The following DYNC1H1 variants were observed in gnomAD, a reference collection of about 807,000 sequenced individuals.
The protein encoded by DYNC1H1 is dynein cytoplasmic 1 heavy chain 1, also known as cytoplasmic dynein 1 heavy chain 1.
Under a neutral mutation model 527.1 loss-of-function variants are expected in DYNC1H1, and 51 were observed. The observed-to-expected ratio is 0.10, with a 90% confidence interval of 0.08 to 0.12. DYNC1H1 has a LOEUF of 0.12. Ranked by LOEUF, DYNC1H1 falls within the 10% of genes least tolerant of loss-of-function variation. The pLI is 1.00. For missense variants in DYNC1H1, 2,771 were observed against 5,971.8 expected (o/e 0.46, Z 17.66); for synonymous variants, 2,189 against 2,278.8 (o/e 0.96, Z 1.12).
rs759313871 is a variant in DYNC1H1, at chr14:102,044,411, A to C, written c.12822A>C (p.Thr4274=). The C allele has an allele frequency of 3.7e-6, 6 of 1,614,180 alleles. No individual in the cohort carries two copies. The highest frequency in any genetic ancestry group is 2.2e-5 in the South Asian group (2 of 91,084). The change falls in exon 71 of 78, where the codon ACA becomes ACC. Residue 4274 remains threonine (T), a synonymous_variant. Coordinates refer to ENST00000360184, the MANE Select transcript of DYNC1H1 (RefSeq NM_001376.5). This position sits in a 1 kb window ranked among gnomAD's most constrained non-coding sequence, Gnocchi z 7.1. ...LLNTFLERLF[T]TRSFDSEFKL... ...ACACCTTCCTGGAGCGCCTGTTCAC[A>C]ACCAGGAGTTTCGACAGTGAGTTTA...
chr14:102,009,976 G>T lies in DYNC1H1; in HGVS notation c.6111G>T (p.Arg2037=), dbSNP rs748807321. 1 of 1,614,064 alleles carries T rather than the reference G, an allele frequency of 6.2e-7. No homozygotes were observed. Among genetic ancestry groups the T allele is most frequent in the Non-Finnish European group, 8.5e-7 (1 of 1,180,026 alleles). The change falls in exon 30 of 78, where the codon CGG becomes CGT. Residue 2037 remains arginine (R), a synonymous_variant. Transcript: ENST00000360184. ...CTGACAACTTGAAGAAGCTGTTCCG[G>T]AGCTTGGCCATGACCAAGCCCGACC... ...NLPDNLKKLF[R]SLAMTKPDRQ... is the part of the protein sequence containing the mutation.
rs754533185 is a variant in DYNC1H1, at chr14:102,010,303, A to G, written c.6249A>G (p.Gln2083=). The change falls in exon 31 of 78, where the codon CAA becomes CAG. Residue 2083 remains glutamine, a synonymous_variant. Coordinates refer to ENST00000360184, the MANE Select transcript of DYNC1H1 (RefSeq NM_001376.5). The surrounding 1 kb of genome is among the most constrained non-coding windows in gnomAD (Gnocchi z 6.0). ...FKLCDEQLSS[Q]SHYDFGLRAL... ...TATGCGATGAGCAGCTCTCTTCCCA[A>G]AGCCATTATGACTTCGGTCTTCGGG... is the stretch of plus-strand genomic sequence containing the variant. 3 of 1,613,984 alleles carry G rather than the reference A, an allele frequency of 1.9e-6. No homozygotes were observed. In the South Asian group the frequency reaches 3.3e-5, roughly 18 times the overall value.
chr14:101,977,704 GTA>G (rs569578129), intron 2 of DYNC1H1, among the ~76,000 whole-genome samples: 1 of 152,108 alleles, frequency 6.6e-6, no homozygotes, highest in Non-Finnish European at 1.5e-5. Flanking sequence ...CAGCCTTTGT[GTA>G]CCTTTTGTGA....
Position 102,002,435 on chromosome 14 carries a change from G to C in DYNC1H1, c.4543-102G>C. 4 of 1,483,810 alleles carry C rather than the reference G, an allele frequency of 2.7e-6. No homozygotes were observed. The highest frequency in any genetic ancestry group is 2.8e-6 in the Non-Finnish European group (3 of 1,065,964). The allele number at this position is 1,483,810 out of a possible 1,614,324, so 91.9% of individuals were successfully genotyped here. On this transcript the variant is annotated intron_variant, in intron 21 of 77. Transcript: ENST00000360184. This position sits in a 1 kb window ranked among gnomAD's most constrained non-coding sequence, Gnocchi z 4.4. ...TACTTGTTGTTTAAAATGTGAATCA[G>C]ATTACTTCATGAGATCCTGATCTGC...
At chr14:101,980,574 G>A in intron 5 of DYNC1H1, 24 bp downstream of exon 5, 1 of 1,612,254 alleles carries the variant, frequency 6.2e-7, no homozygotes, top group South Asian at 1.1e-5. Flanking sequence ...CTAATAATCT[G>A]ATCAGTAAGT....
rs539275653 is a variant in DYNC1H1 at position 102,029,431 on chromosome 14, C to T, written c.9469-108C>T. ...ACTCGAGTGTTCTGGCCCCGAGGGCCAGGCTCCTTCTATCATGTCACACCC... is the reference window on the plus strand; with the variant it reads ...ACTCGAGTGTTCTGGCCCCGAGGGCTAGGCTCCTTCTATCATGTCACACCC... On this transcript the variant is annotated intron_variant, in intron 48 of 77. Coordinates refer to ENST00000360184, the MANE Select transcript of DYNC1H1 (RefSeq NM_001376.5). The surrounding 1 kb of genome is among the most constrained non-coding windows in gnomAD (Gnocchi z 5.3). 34 of 1,483,408 alleles carry T rather than the reference C, an allele frequency of 2.3e-5. No homozygotes were observed. The East Asian group carries it at 8.1e-4, about 35-fold the overall frequency. The allele number at this position is 1,483,408 out of a possible 1,614,324, so 91.9% of individuals were successfully genotyped here. A position where few individuals can be genotyped will look rare whatever the true frequency, so the allele number is the denominator to read the frequency against.
rs768458726 is a variant in DYNC1H1, at chr14:102,044,736, G to A, written c.13006+38G>A. 2 of 1,396,734 alleles carry A rather than the reference G, an allele frequency of 1.4e-6. No individual in the cohort carries two copies. The highest frequency in any genetic ancestry group is 1.5e-5 in the African/African-American group (1 of 68,360). 86.5% of individuals were successfully genotyped at this position (1,396,734 alleles called of 1,614,324 possible). On this transcript the variant is annotated intron_variant, in intron 72 of 77. Transcript: ENST00000360184. This position sits in a 1 kb window ranked among gnomAD's most constrained non-coding sequence, Gnocchi z 7.1. ...GATCCTCCCCACACGCAGGGTGGGT[G>A]GCGAGGGTCCCCTCACGCGGGGTGG...
chr14:101,982,749 T>G (rs540634544), intron 5 of DYNC1H1, among the ~76,000 whole-genome samples: 5 of 134,300 alleles, frequency 3.7e-5, no homozygotes, highest in Admixed American at 8.6e-5. Flanking sequence ...GCCACTGATA[T>G]AGAAAGCAAA....
At position 102,012,978 on chromosome 14, in the gene DYNC1H1, G is replaced by A. The variant is rs538179080; in HGVS notation, c.7014+508G>A. On this transcript the variant is annotated intron_variant, in intron 34 of 77. Coordinates refer to ENST00000360184, the MANE Select transcript of DYNC1H1 (RefSeq NM_001376.5). The surrounding 1 kb of genome is among the most constrained non-coding windows in gnomAD (Gnocchi z 4.9). ...GAAAGCAAGAAGACAGGCCGGGCGC[G>A]GTGGCTCACGCCTGTAATCCCAGCA... is the stretch of plus-strand genomic sequence containing the variant. The A allele has an allele frequency of 1.3e-4, 24 of 188,372 alleles. No individual in the cohort carries two copies. Among genetic ancestry groups the A allele is most frequent in the African/African-American group, 5.0e-4 (21 of 42,410 alleles). 11.7% of individuals were successfully genotyped at this position (188,372 alleles called of 1,614,324 possible).
chr14:101,983,275 T>C lies in DYNC1H1; in HGVS notation c.1218T>C (p.Tyr406=), dbSNP rs748221878. Reference sequence around the variant, plus strand: ...CTAGGAAATTGATGCATGTTGCTTATGAAGAATTTGAAAAAGTAAGTTTGA... The same window carrying C: ...CTAGGAAATTGATGCATGTTGCTTACGAAGAATTTGAAAAAGTAAGTTTGA... ...LGTRKLMHVA[Y]EEFEKVMVAC... Residue 406 remains tyrosine, a synonymous_variant, in exon 6 of 78, where the codon TAT becomes TAC. Transcript: ENST00000360184. This position sits in a 1 kb window ranked among gnomAD's most constrained non-coding sequence, Gnocchi z 5.3. 3.1e-6 allele frequency: 5 copies of C among 1,614,250 alleles called. No individual in the cohort carries two copies. The highest frequency in any genetic ancestry group is 1.1e-5 in the South Asian group (1 of 91,088).
intron 8 of DYNC1H1, 69 bp from the exon 9 acceptor site, chr14:101,987,384 A>T: frequency 6.7e-7 from 1 of 1,482,286 alleles, no homozygotes; most frequent in Non-Finnish European, 9.3e-7. Context: ...ATTTGAGAAG[A>T]ATGTTATGTG....
At chr14:101,968,655 G>A (rs72715693) in intron 1 of DYNC1H1, among the ~76,000 whole-genome samples, 12 of 151,864 alleles carry the variant, frequency 7.9e-5, no homozygotes, top group Admixed American at 2.0e-4. Context: ...CTCAACCTCC[G>A]GTCTCAAGCG....
chr14:102,006,253 T>C, intron 27 of DYNC1H1, 83 bp downstream of exon 27: 1 of 1,581,576 alleles, frequency 6.3e-7, no homozygotes, highest in Admixed American at 1.7e-5. Flanking sequence ...ATGTACTTCT[T>C]TTTGAGATGG....
chr14:102,029,835 G>A lies in DYNC1H1; in HGVS notation c.9659G>A (p.Arg3220His), dbSNP rs868813394. Reference protein sequence around the residue: ...ETVDQVEELRRDLRIKSQELE... With the variant: ...ETVDQVEELRHDLRIKSQELE... The stretch of plus-strand genomic sequence containing the variant: ...GCTCTTTAGGTAGAAGAACTGCGTC[G>A]TGACTTGAGGATAAAGAGCCAAGAG... The change falls in exon 50 of 78, where the codon CGT becomes CAT. Residue 3220 changes from arginine to histidine, a missense_variant. Arg to His is a conservative substitution (Grantham distance 29). Transcript: ENST00000360184. The surrounding 1 kb of genome is among the most constrained non-coding windows in gnomAD (Gnocchi z 5.3). The A allele has an allele frequency of 1.2e-6, 2 of 1,614,122 alleles. No individual in the cohort carries two copies. Among genetic ancestry groups the A allele is most frequent in the Non-Finnish European group, 1.7e-6 (2 of 1,180,034 alleles).
chr14:102,023,272 C>T (rs1000105696), intron 43 of DYNC1H1: 8 of 335,792 alleles, frequency 2.4e-5, no homozygotes, highest in Admixed American at 4.2e-5. Context: ...AAATATCAGC[C>T]GGGCGCGGTG....
chr14:102,019,315 G>A (rs1280983290), intron 41 of DYNC1H1, among the ~76,000 whole-genome samples: 1 of 152,214 alleles, frequency 6.6e-6, no homozygotes, highest in Non-Finnish European at 1.5e-5. Flanking sequence ...GTTGCTATTT[G>A]CATTTCTCTG....
chr14:102,040,785 C>A, intron 64 of DYNC1H1, 112 bp downstream of exon 64: 3 of 1,265,050 alleles, frequency 2.4e-6, no homozygotes, highest in Non-Finnish European at 3.4e-6. Context: ...CATAGTAAGG[C>A]CCCATCTCTA....
rs777616661 is a variant in DYNC1H1, at chr14:101,964,703, C to T, written c.12C>T (p.Pro4=). 7.5e-6 allele frequency: 12 copies of T among 1,593,742 alleles called. No individual in the cohort carries two copies. Among genetic ancestry groups the T allele is most frequent in the Non-Finnish European group, 7.7e-6 (9 of 1,175,088 alleles). ...CCGAGCGCGACACCATGTCGGAGCC[C>T]GGGGGCGGCGGCGGCGAGGACGGCT... MSE[P]GGGGGEDGSA... is the part of the protein sequence containing the mutation. Residue 4 remains proline (P), a synonymous_variant, in exon 1 of 78, where the codon CCC becomes CCT. Coordinates refer to ENST00000360184, the MANE Select transcript of DYNC1H1 (RefSeq NM_001376.5). The surrounding 1 kb of genome is among the most constrained non-coding windows in gnomAD (Gnocchi z 5.5).
At chr14:101,977,367 C>A (rs538614572) in intron 2 of DYNC1H1, among the ~76,000 whole-genome samples, 1 of 152,198 alleles carries the variant, frequency 6.6e-6, no homozygotes, top group South Asian at 2.1e-4. Flanking sequence ...TATAGAACTC[C>A]CAGATATCAG....
Sources: gnomAD v4.1 joint callset for allele counts (sites outside exome capture counted in the v4.1 genomes callset) on GRCh38, gnomAD v4.1.1 for gene constraint, Gnocchi (gnomAD v3.1) non-coding constraint, MANE v1.5 for transcripts, NCBI Gene and HGNC (gene_info 2026-07-23, HGNC 2026-07-21) for gene names.